GRM7: variants seen among roughly 807,000 people sequenced by gnomAD.
GRM7 encodes the protein glutamate metabotropic receptor 7, also known as metabotropic glutamate receptor 7.
A neutral mutation model predicts 84.5 loss-of-function variants in GRM7; 35 were observed. The ratio of observed to expected loss-of-function variants is 0.41; its 90% CI spans 0.32 to 0.55. The LOEUF (loss-of-function observed/expected upper bound fraction) is 0.55. Ranked by LOEUF, GRM7 falls within the 20% of genes least tolerant of loss-of-function variation. The pLI is 0.19. For missense variants in GRM7, 1,003 were observed against 1,194.6 expected, an observed-to-expected ratio of 0.84 and a Z score of 2.36; for synonymous variants, 487 against 455.1, an observed-to-expected ratio of 1.07 and a Z score of -0.89.
At chr3:6,933,505 A>G (rs1697580692) in intron 1 of GRM7, among the ~76,000 whole-genome samples, 1 of 152,196 alleles carries the variant, frequency 6.6e-6, no homozygotes, top group Non-Finnish European at 1.5e-5. Flanking sequence ...AAATTTATGC[A>G]AAGTCAACTC....
intron 8 of GRM7, among the ~76,000 whole-genome samples, chr3:7,589,943 C>T (rs1466548310): frequency 1.3e-5 from 2 of 152,032 alleles, no homozygotes; most frequent in African/African-American, 2.4e-5. Context: ...GATCCAAGGC[C>T]TCCCTTCATA....
chr3:6,981,260 AG>A (rs1319270176), intron 1 of GRM7, among the ~76,000 whole-genome samples: 1 of 152,228 alleles, frequency 6.6e-6, no homozygotes, highest in African/African-American at 2.4e-5. Context: ...CTTGGCTTTA[AG>A]AACTCTGTTA....
At chr3:6,892,311 C>A (rs532916459) in intron 1 of GRM7, among the ~76,000 whole-genome samples, 1 of 152,122 alleles carries the variant, frequency 6.6e-6, no homozygotes, top group Non-Finnish European at 1.5e-5. Context: ...CCTGGGTCAG[C>A]ATCCCGTATC....
At chr3:6,952,712 T>TTTTTG (rs901814847) in intron 1 of GRM7, among the ~76,000 whole-genome samples, 9 of 152,208 alleles carry the variant, frequency 5.9e-5, no homozygotes, top group South Asian at 2.1e-4. Flanking sequence ...ATTGTTTTGC[T>TTTTTG]TTTTGTTTTG....
intron 2 of GRM7, among the ~76,000 whole-genome samples, chr3:7,277,303 CT>C (rs563355736): frequency 6.2e-4 from 93 of 150,792 alleles, no homozygotes; most frequent in Middle Eastern, 3.4e-3. Context: ...ATTAATAATG[CT>C]TTTTTTTTAA....
At chr3:7,102,457 T>C (rs778062465) in intron 1 of GRM7, among the ~76,000 whole-genome samples, 11 of 151,768 alleles carry the variant, frequency 7.2e-5, no homozygotes, top group Non-Finnish European at 1.2e-4. Flanking sequence ...CAAGGTTTTC[T>C]CTTTGTCTTT....
At chr3:7,283,354 A>C (rs1312633063) in intron 2 of GRM7, among the ~76,000 whole-genome samples, 2 of 152,092 alleles carry the variant, frequency 1.3e-5, no homozygotes, top group Non-Finnish European at 2.9e-5. Context: ...GCTGATGCAA[A>C]GCCTGGCATG....
chr3:7,563,656 A>G (rs1694131449), intron 7 of GRM7, among the ~76,000 whole-genome samples: 1 of 152,214 alleles, frequency 6.6e-6, no homozygotes, highest in Admixed American at 6.5e-5. Context: ...GGGAAGCCCA[A>G]TCACTGCCCT....
At chr3:7,383,841 G>T (rs1694684207) in intron 4 of GRM7, among the ~76,000 whole-genome samples, 1 of 152,118 alleles carries the variant, frequency 6.6e-6, no homozygotes, top group African/African-American at 2.4e-5. Flanking sequence ...TAACGTTAAT[G>T]TTTACTTTTT....
chr3:7,725,012 TC>T (rs1702075164), intron 9 of GRM7, among the ~76,000 whole-genome samples: 1 of 152,178 alleles, frequency 6.6e-6, no homozygotes, highest in Non-Finnish European at 1.5e-5. Flanking sequence ...ACTCCTAGCT[TC>T]AAGCAATAAT....
intron 9 of GRM7, among the ~76,000 whole-genome samples, chr3:7,724,939 TA>T (rs1702070064): frequency 1.1e-5 from 1 of 87,432 alleles, no homozygotes; most frequent in Non-Finnish European, 2.8e-5. Flanking sequence ...GTTGTTTTAT[TA>T]TTATTTTTTT....
intron 2 of GRM7, among the ~76,000 whole-genome samples, chr3:7,176,017 C>A (rs933484928): frequency 1.3e-5 from 2 of 151,862 alleles, no homozygotes; most frequent in African/African-American, 4.8e-5. Context: ...TCGTTACATA[C>A]AATAGTTTCA....
At chr3:7,359,895 G>T (rs1355275194) in intron 4 of GRM7, among the ~76,000 whole-genome samples, 1 of 148,306 alleles carries the variant, frequency 6.7e-6, no homozygotes, top group Non-Finnish European at 1.5e-5. Flanking sequence ...GTCTCAAACA[G>T]ATTGTTCTTG....
chr3:6,920,777 C>T (rs1697098008), intron 1 of GRM7, among the ~76,000 whole-genome samples: 2 of 152,178 alleles, frequency 1.3e-5, no homozygotes, highest in South Asian at 2.1e-4. Context: ...TTGTACTTCA[C>T]GAGCTGCTGA....
intron 8 of GRM7, among the ~76,000 whole-genome samples, chr3:7,671,073 G>A (rs1699901907): frequency 6.6e-6 from 1 of 152,178 alleles, no homozygotes; most frequent in African/African-American, 2.4e-5. Context: ...ACCTGGTATT[G>A]GCTACATAAG....
intron 9 of GRM7, among the ~76,000 whole-genome samples, chr3:7,726,665 A>G (rs1702145014): frequency 1.4e-5 from 1 of 72,856 alleles, no homozygotes. Context: ...ATATATATAT[A>G]GGTTTTCCCC....
intron 1 of GRM7, among the ~76,000 whole-genome samples, chr3:7,114,767 T>C (rs986566707): frequency 2.0e-5 from 3 of 152,138 alleles, no homozygotes; most frequent in African/African-American, 7.2e-5. Flanking sequence ...ACATAGCAGG[T>C]CTGGGGTAAA....
rs543294267 is a variant in GRM7, at chr3:7,509,254, C to T, written c.1515+47532C>T. Reference sequence around the variant, plus strand: ...CAAAAGAGAGACCACATTTATGTAACTTTTGTTACAGTATTTTGTCATAAT... The same window carrying T: ...CAAAAGAGAGACCACATTTATGTAATTTTTGTTACAGTATTTTGTCATAAT... On this transcript the variant is annotated intron_variant, in intron 7 of 9. Transcript: ENST00000357716. Among the ~76,000 whole-genome samples the T allele has an allele frequency of 8.9e-4, 136 of 152,186 alleles. 2 individuals are homozygous for T. The South Asian group carries it at 0.028, about 31-fold the overall frequency.
intron 9 of GRM7, among the ~76,000 whole-genome samples, chr3:7,722,337 T>C (rs1366057270): frequency 6.6e-6 from 1 of 152,176 alleles, no homozygotes; most frequent in South Asian, 2.1e-4. Flanking sequence ...CTTAGAGTTG[T>C]TATACTATAG....
Sources: gnomAD v4.1 joint callset for allele counts (sites outside exome capture counted in the v4.1 genomes callset) on GRCh38, gnomAD v4.1.1 for gene constraint, MANE v1.5 for transcripts, NCBI Gene and HGNC (gene_info 2026-07-23, HGNC 2026-07-21) for gene names.